SNTG1: variants seen among roughly 807,000 people sequenced by gnomAD.
SNTG1 encodes gamma-1-syntrophin.
A neutral mutation model predicts 74.7 loss-of-function variants in SNTG1; 39 were observed. That is an observed-to-expected ratio of 0.52 (90% CI 0.40 to 0.68). SNTG1 has a LOEUF of 0.68. SNTG1 is among the 30% of genes least tolerant of loss of function. The pLI, the probability that SNTG1 is intolerant of heterozygous loss-of-function variation, is 0.00. For synonymous variants in SNTG1, 254 were observed against 217.1 expected, an observed-to-expected ratio of 1.17 and a Z score of -1.49; for missense variants, 685 against 609.5, an observed-to-expected ratio of 1.12 and a Z score of -1.30.
At chr8:50,786,662 T>C (rs1291488010) in intron 18 of SNTG1, among the ~76,000 whole-genome samples, 2 of 151,946 alleles carry the variant, frequency 1.3e-5, no homozygotes, top group East Asian at 3.9e-4. Context: ...AACACTGGAA[T>C]ACAATTGAGA....
intron 15 of SNTG1, among the ~76,000 whole-genome samples, chr8:50,665,495 C>T (rs941861106): frequency 1.3e-5 from 2 of 151,950 alleles, no homozygotes; most frequent in African/African-American, 2.4e-5. Flanking sequence ...AGAGAGTTCT[C>T]AATAGCAAGG....
intron 12 of SNTG1, among the ~76,000 whole-genome samples, chr8:50,579,246 C>G (rs2094594756): frequency 2.0e-5 from 3 of 152,126 alleles, no homozygotes. Flanking sequence ...TTGCCCCTCC[C>G]CAGAGATCTG....
intron 2 of SNTG1, among the ~76,000 whole-genome samples, chr8:50,369,792 C>A (rs1001544465): frequency 1.3e-5 from 2 of 152,118 alleles, no homozygotes; most frequent in Non-Finnish European, 2.9e-5. Context: ...TTTCTTCACC[C>A]AGTTTATGGT....
At chr8:50,727,201 G>T (rs1055351234) in intron 17 of SNTG1, among the ~76,000 whole-genome samples, 5 of 152,160 alleles carry the variant, frequency 3.3e-5, no homozygotes, top group African/African-American at 1.2e-4. Context: ...GAGGCAGGGA[G>T]TCTGATGGTA....
chr8:50,346,686 A>G (rs950001895), intron 2 of SNTG1, among the ~76,000 whole-genome samples: 20 of 152,290 alleles, frequency 1.3e-4, no homozygotes, highest in Non-Finnish European at 2.6e-4. Context: ...AAGGAAATTA[A>G]AAATACTTCT....
intron 13 of SNTG1, among the ~76,000 whole-genome samples, chr8:50,614,752 A>G (rs561816282): frequency 6.6e-6 from 1 of 152,252 alleles, no homozygotes; most frequent in African/African-American, 2.4e-5. Context: ...CAAAAAATAA[A>G]ATTTATTTGG....
At chr8:50,729,195 G>A (rs1467120627) in intron 17 of SNTG1, among the ~76,000 whole-genome samples, 2 of 152,130 alleles carry the variant, frequency 1.3e-5, no homozygotes, top group Admixed American at 1.3e-4. Flanking sequence ...CCTGTGGCTT[G>A]GCTCATCCCT....
chr8:50,018,116 A>C (rs1248158773), intron 1 of SNTG1, among the ~76,000 whole-genome samples: 1 of 152,036 alleles, frequency 6.6e-6, no homozygotes, highest in Non-Finnish European at 1.5e-5. Flanking sequence ...CAGATCCTAC[A>C]TAATCCCTGT....
intron 2 of SNTG1, among the ~76,000 whole-genome samples, chr8:50,382,592 C>T (rs2092507001): frequency 6.6e-6 from 1 of 152,076 alleles, no homozygotes; most frequent in Non-Finnish European, 1.5e-5. Context: ...GACTGATTGA[C>T]AGTATTTTTT....
intron 11 of SNTG1, among the ~76,000 whole-genome samples, chr8:50,542,879 C>T (rs117731188): frequency 1.0e-3 from 158 of 152,178 alleles, no homozygotes; most frequent in South Asian, 1.7e-3. Flanking sequence ...GTTGACCATA[C>T]GTATGTCTTC....
At chr8:50,447,960 T>C (rs928166722) in intron 5 of SNTG1, among the ~76,000 whole-genome samples, 2 of 152,172 alleles carry the variant, frequency 1.3e-5, no homozygotes, top group Non-Finnish European at 1.5e-5. Context: ...CATAATAGCC[T>C]TCCTTTATTC....
At chr8:50,767,607 T>C (rs1347461064) in intron 18 of SNTG1, among the ~76,000 whole-genome samples, 1 of 151,666 alleles carries the variant, frequency 6.6e-6, no homozygotes, top group Non-Finnish European at 1.5e-5. Context: ...GGTATTATAG[T>C]TTTTTTTGAC....
At chr8:50,484,662 C>A (rs1348742077) in intron 8 of SNTG1, among the ~76,000 whole-genome samples, 2 of 151,436 alleles carry the variant, frequency 1.3e-5, no homozygotes, top group Non-Finnish European at 2.9e-5. Context: ...GAGTTCGAGA[C>A]CAGCCTGTCC....
intron 18 of SNTG1, among the ~76,000 whole-genome samples, chr8:50,778,191 G>A (rs891515398): frequency 6.6e-6 from 1 of 152,198 alleles, no homozygotes; most frequent in African/African-American, 2.4e-5. Flanking sequence ...ATAGCAGCAT[G>A]ATTTATAGTC....
intron 2 of SNTG1, among the ~76,000 whole-genome samples, chr8:50,357,016 T>C (rs1054843510): frequency 6.6e-6 from 1 of 152,222 alleles, no homozygotes; most frequent in East Asian, 1.9e-4. Context: ...TTGTGTTATA[T>C]CCAAAATTGC....
At chr8:50,361,315 T>A (rs1328287164) in intron 2 of SNTG1, among the ~76,000 whole-genome samples, 5 of 152,188 alleles carry the variant, frequency 3.3e-5, no homozygotes, top group Non-Finnish European at 7.3e-5. Flanking sequence ...AATGATGCCT[T>A]CTTCTGAATA....
At chr8:50,541,360 TCATTGCAGG>T (rs936017908) in intron 11 of SNTG1, among the ~76,000 whole-genome samples, 2 of 151,968 alleles carry the variant, frequency 1.3e-5, no homozygotes, top group African/African-American at 4.8e-5. Context: ...AACAGTTCCA[TCATTGCAGG>T]CATTCTCCTG....
chr8:50,543,705 T>C (rs1213556231), intron 11 of SNTG1, among the ~76,000 whole-genome samples: 1 of 152,154 alleles, frequency 6.6e-6, no homozygotes, highest in African/African-American at 2.4e-5. Context: ...GGATAAATGC[T>C]AAAAAGTGCA....
chr8:49,946,470 C>T (rs2129384409), intron 1 of SNTG1, among the ~76,000 whole-genome samples: 1 of 152,208 alleles, frequency 6.6e-6, no homozygotes, highest in Middle Eastern at 3.4e-3. Context: ...TAAATTTTAC[C>T]TGGGCTTTTG....
Sources: allele counts gnomAD v4.1 joint callset (sites outside exome capture counted in the v4.1 genomes callset), GRCh38; gene constraint gnomAD v4.1.1; transcripts MANE v1.5; gene names NCBI Gene and HGNC (gene_info 2026-07-23, HGNC 2026-07-21).